Variants in CCDC149 observed in about 807,000 individuals in gnomAD.
CCDC149 encodes coiled-coil domain containing 149.
In CCDC149, 45 loss-of-function variants were observed where a neutral mutation model predicts 59.9. That is an observed-to-expected ratio of 0.75 (90% CI 0.59 to 0.96). CCDC149 has a LOEUF of 0.96. Ranked by LOEUF, CCDC149 falls within the 40% of genes least tolerant of loss-of-function variation. CCDC149 has a pLI of 0.00. For missense variants in CCDC149, 584 were observed against 664.7 expected (o/e 0.88, Z 1.33); for synonymous variants, 245 against 260.6 (o/e 0.94, Z 0.58).
intron 1 of CCDC149, among the ~76,000 whole-genome samples, chr4:24,900,878 G>C (rs947827578): frequency 1.3e-5 from 2 of 152,172 alleles, no homozygotes; most frequent in African/African-American, 4.8e-5. Flanking sequence ...GTGGGAGCCA[G>C]AATGCATGGC....
At chr4:24,956,560 A>G (rs1434090765) in intron 1 of CCDC149, among the ~76,000 whole-genome samples, 2 of 152,090 alleles carry the variant, frequency 1.3e-5, no homozygotes, top group Non-Finnish European at 2.9e-5. Flanking sequence ...TGCCTATTAT[A>G]TCGATGATAT....
chr4:24,839,303 C>T (rs997888649), intron 4 of CCDC149, among the ~76,000 whole-genome samples: 14 of 151,960 alleles, frequency 9.2e-5, no homozygotes, highest in African/African-American at 3.4e-4. Context: ...CCTCAGCCTC[C>T]CGAGTAGCTG....
At chr4:24,933,978 C>A (rs1722665294) in intron 1 of CCDC149, among the ~76,000 whole-genome samples, 1 of 152,204 alleles carries the variant, frequency 6.6e-6, no homozygotes, top group Admixed American at 6.5e-5. Flanking sequence ...TTTGATGCCT[C>A]AGGGCTCCTT....
chr4:24,891,898 C>A (rs765186326), intron 1 of CCDC149, among the ~76,000 whole-genome samples: 4 of 151,982 alleles, frequency 2.6e-5, no homozygotes, highest in Non-Finnish European at 5.9e-5. Flanking sequence ...ACTTGGGAGG[C>A]TGAGGTGGGA....
intron 1 of CCDC149, among the ~76,000 whole-genome samples, chr4:24,889,010 T>C (rs1358988851): frequency 6.6e-6 from 1 of 152,086 alleles, no homozygotes; most frequent in Non-Finnish European, 1.5e-5. Context: ...ATTATTTGAA[T>C]GCCCCAGGGG....
intron 1 of CCDC149, among the ~76,000 whole-genome samples, chr4:24,938,640 C>T (rs1239665370): frequency 6.6e-6 from 1 of 152,200 alleles, no homozygotes; most frequent in Non-Finnish European, 1.5e-5. Flanking sequence ...AATTCCCTTT[C>T]CTAGTCAAAG....
chr4:24,931,331 A>ATATATATATCTC lies in CCDC149; in HGVS notation c.-64-36214_-64-36213insGAGATATATATA, dbSNP rs1394185015. Among the ~76,000 whole-genome samples the ATATATATATCTC allele has an allele frequency of 9.6e-3, 1,415 of 147,446 alleles. 26 individuals are homozygous for ATATATATATCTC. The highest frequency in any genetic ancestry group is 0.033 in the African/African-American group (1,323 of 39,798). Reference sequence around the variant, plus strand: ...TTAAAATATATATATATATATATATATCTCAGTACAGGCAAGGCTATGCCA... The same window carrying ATATATATATCTC: ...TTAAAATATATATATATATATATATATATATATATCTCTCTCAGTACAGGCAAGGCTATGCCA... On this transcript the variant is annotated intron_variant, in intron 1 of 12. Transcript: ENST00000389609.
chr4:24,885,349 A>C (rs998656060), intron 1 of CCDC149, among the ~76,000 whole-genome samples: 1 of 152,196 alleles, frequency 6.6e-6, no homozygotes, highest in Non-Finnish European at 1.5e-5. Context: ...AGAAGAGAAG[A>C]GAAAGTGATT....
intron 12 of CCDC149, among the ~76,000 whole-genome samples, chr4:24,810,231 C>T (rs1560195894): frequency 1.3e-5 from 2 of 152,324 alleles, no homozygotes; most frequent in East Asian, 3.9e-4. Context: ...TCCATGAGAA[C>T]AGGAGCCTCA....
intron 1 of CCDC149, among the ~76,000 whole-genome samples, chr4:24,950,611 G>A (rs1723255625): frequency 6.6e-6 from 1 of 152,208 alleles, no homozygotes; most frequent in Non-Finnish European, 1.5e-5. Context: ...ATCTTGGCAA[G>A]CACTTAGACC....
At chr4:24,881,774 A>T (rs771785201) in intron 1 of CCDC149, among the ~76,000 whole-genome samples, 2 of 152,222 alleles carry the variant, frequency 1.3e-5, no homozygotes, top group Non-Finnish European at 2.9e-5. Flanking sequence ...AAGGTTTTGT[A>T]ACACATGCTT....
Position 24,853,161 on chromosome 4 carries a change from A to C in CCDC149, c.283T>G (p.Leu95Val). The change falls in exon 4 of 13, where the codon TTG becomes GTG. Residue 95 changes from leucine (L) to valine (V), a missense_variant. Physicochemically the swap from Leu to Val is conservative, Grantham distance 32. Transcript: ENST00000635206. ...TTATTTCGGTCCTGAGAATCTCTCA[A>C]TAGTTGTGCAAGATTAGCCTAGAAA... is the stretch of plus-strand genomic sequence containing the variant. The C allele has an allele frequency of 6.2e-7, 1 of 1,611,006 alleles. No individual in the cohort carries two copies. The highest frequency in any genetic ancestry group is 8.5e-7 in the Non-Finnish European group (1 of 1,177,278).
At chr4:24,821,313 C>T (rs1334011356) in intron 10 of CCDC149, among the ~76,000 whole-genome samples, 1 of 151,984 alleles carries the variant, frequency 6.6e-6, no homozygotes, top group African/African-American at 2.4e-5. Flanking sequence ...ATGGCAATCT[C>T]ACTGTACAAA....
At chr4:24,813,489 A>AATATATATATATAT (rs57650226) in intron 12 of CCDC149, among the ~76,000 whole-genome samples, 248 of 113,642 alleles carry the variant, frequency 2.2e-3, no homozygotes, top group Non-Finnish European at 2.8e-3. Flanking sequence ...CAGCTTGGGG[A>AATATATATATATAT]ATATATATAT....
chr4:24,854,203 G>A lies in CCDC149; in HGVS notation c.265-1024C>T, dbSNP rs147825817. Among the ~76,000 whole-genome samples, 353 of 152,200 alleles carry A rather than the reference G, an allele frequency of 2.3e-3. 2 individuals are homozygous for A. The highest frequency in any genetic ancestry group is 7.9e-3 in the African/African-American group (328 of 41,518). ...TTCCAGTCTTTTACTCACAGTCCTC[G>A]CTCACATGGCTTCTTGTTCTCCCAT... On this transcript the variant is annotated intron_variant, in intron 3 of 12. Coordinates refer to ENST00000635206, the MANE Select transcript of CCDC149 (RefSeq NM_001330643.2).
chr4:24,966,552 AG>A (rs1723809991), intron 1 of CCDC149, among the ~76,000 whole-genome samples: 1 of 152,180 alleles, frequency 6.6e-6, no homozygotes, highest in African/African-American at 2.4e-5. Context: ...CTCCACCCAC[AG>A]TGGCCCCCTG....
chr4:24,951,320 C>G (rs1027134853), intron 1 of CCDC149, among the ~76,000 whole-genome samples: 11 of 152,202 alleles, frequency 7.2e-5, no homozygotes, highest in African/African-American at 2.4e-4. Context: ...TCAGGGTGGA[C>G]AGCGTGGCCC....
chr4:24,883,203 CTTT>C (rs34694471), intron 1 of CCDC149, among the ~76,000 whole-genome samples: 195 of 147,350 alleles, frequency 1.3e-3, no homozygotes, highest in Middle Eastern at 7.1e-3. Flanking sequence ...GTTTTCTTTT[CTTT>C]TTTTTTTTTT....
intron 1 of CCDC149, among the ~76,000 whole-genome samples, chr4:24,945,384 T>C (rs577376461): frequency 2.1e-4 from 32 of 152,164 alleles, no homozygotes; most frequent in African/African-American, 7.7e-4. Context: ...GGAGGTGCCA[T>C]GTATGTGGTA....
Sources: allele counts gnomAD v4.1 joint callset (sites outside exome capture counted in the v4.1 genomes callset), GRCh38; gene constraint gnomAD v4.1.1; transcripts MANE v1.5; gene names NCBI Gene and HGNC (gene_info 2026-07-23, HGNC 2026-07-21).